The following XKR9 variants were observed in gnomAD, a reference collection of about 807,000 sequenced individuals.
XKR9 encodes the protein XK related 9.
Under a neutral mutation model 32.0 loss-of-function variants are expected in XKR9, and 32 were observed. The observed-to-expected ratio is 1.00, with a 90% CI of 0.76 to 1.34. XKR9 has a LOEUF of 1.34. Ranked by LOEUF, XKR9 falls within the 40% of genes most tolerant of loss-of-function variation. XKR9 has a pLI of 0.00. For missense variants in XKR9, 546 were observed against 429.7 expected (o/e 1.27, Z -2.39); for synonymous variants, 168 against 143.4 (o/e 1.17, Z -1.22).
At position 70,757,693 on chromosome 8, in the gene XKR9, C is replaced by A. The variant is rs142495902; in HGVS notation, n.353-31646C>A. On this transcript the variant is annotated intron_variant and non_coding_transcript_variant, in intron 2 of 3. Coordinates refer to the XKR9 transcript ENST00000520273. ...CCTCTGCCTCTGGGTTCAAGTGATT[C>A]TCCTGCCTTAGCCTCCCCAAGTAGC... Among the ~76,000 whole-genome samples, 1,338 of 152,236 alleles carry A rather than the reference C, an allele frequency of 8.8e-3. 6 individuals carry two copies. The highest frequency in any genetic ancestry group is 0.015 in the Non-Finnish European group (1,038 of 68,010).
intron 3 of XKR9, 66 bp from the exon 4 acceptor site, chr8:70,706,867 T>C (rs1805733491): frequency 2.6e-6 from 3 of 1,146,776 alleles, no homozygotes; most frequent in South Asian, 3.1e-5. Flanking sequence ...CAAATTATTA[T>C]GTGTATTAAC....
At chr8:70,910,049 G>T in the XKR9 span, among the ~76,000 whole-genome samples, 2 of 151,562 alleles carry the variant, frequency 1.3e-5, no homozygotes, top group East Asian at 3.9e-4. Context: ...AATATTTGAT[G>T]TATAGTAGGT....
chr8:70,694,934 A>G (rs990077133), intron 3 of XKR9, among the ~76,000 whole-genome samples: 2 of 152,136 alleles, frequency 1.3e-5, no homozygotes, highest in African/African-American at 4.8e-5. Flanking sequence ...GAGACTCTAC[A>G]TAGCTCTGTC....
chr8:70,789,864 G>A (rs1338446475), intron 3 of XKR9, among the ~76,000 whole-genome samples: 2 of 151,862 alleles, frequency 1.3e-5, no homozygotes, highest in African/African-American at 4.8e-5. Context: ...TCTCTTGTTT[G>A]GCAGGCAATG....
At chr8:71,013,877 A>G in the XKR9 span, among the ~76,000 whole-genome samples, 2 of 152,112 alleles carry the variant, frequency 1.3e-5, no homozygotes, top group Admixed American at 6.5e-5. Context: ...TAGTGTTTAT[A>G]CTTTCTAGGA....
chr8:70,781,204 G>T (rs1344311117), intron 2 of XKR9, among the ~76,000 whole-genome samples: 2 of 151,874 alleles, frequency 1.3e-5, no homozygotes, highest in Non-Finnish European at 2.9e-5. Flanking sequence ...GTGCTTATTT[G>T]CCACTTGTGT....
Position 70,707,092 on chromosome 8 carries a change from C to T in XKR9, c.432C>T (p.Cys144=), listed in dbSNP as rs904288065. 6.2e-6 allele frequency: 10 copies of T among 1,613,196 alleles called. No homozygotes were observed. In the African/African-American group the frequency reaches 1.2e-4, roughly 19 times the overall value. ...TATTTGAGACCTACCTGGAAGGCTGCCCACAACTTATTCTTCAACTCTACA... is the reference window on the plus strand; with the variant it reads ...TATTTGAGACCTACCTGGAAGGCTGTCCACAACTTATTCTTCAACTCTACA... ...LRLFETYLEG[C]PQLILQLYIL... Residue 144 remains cysteine, a synonymous_variant, in exon 4 of 5, where the codon TGC becomes TGT. Coordinates refer to ENST00000408926, the MANE Select transcript of XKR9 (RefSeq NM_001011720.2).
the XKR9 span, among the ~76,000 whole-genome samples, chr8:70,928,386 G>T: frequency 6.6e-6 from 1 of 152,056 alleles, no homozygotes; most frequent in African/African-American, 2.4e-5. Context: ...TGACCCTGTG[G>T]TCTTGCCATA....
At chr8:70,975,751 T>G in the XKR9 span, among the ~76,000 whole-genome samples, 21 of 152,180 alleles carry the variant, frequency 1.4e-4, no homozygotes, top group Non-Finnish European at 1.3e-4. Context: ...ATATGAACTT[T>G]AAAGTAGTTT....
At chr8:70,905,931 CTGCAGAACAGCAAATAT>C in the XKR9 span, among the ~76,000 whole-genome samples, 2 of 152,238 alleles carry the variant, frequency 1.3e-5, no homozygotes, top group African/African-American at 2.4e-5. Context: ...CCAGCGGAGG[CTGCAGAACAGCAAATAT>C]TGCAGAACAG....
rs768914286 is a variant in XKR9, at chr8:70,681,198, T to A, written c.140T>A (p.Phe47Tyr). ...QYVFSALALS[F>Y]MLFGTLVAQC... is the part of the protein sequence containing the mutation. ...GTTTTTAGTGCTTTAGCGTTAAGCT[T>A]TATGCTTTTTGGAACACTTGTGGCT... The change falls in exon 3 of 5, where the codon TTT (phenylalanine) becomes TAT (tyrosine). Residue 47 changes from phenylalanine (F) to tyrosine (Y), a missense_variant. Transcript: ENST00000408926. The A allele has an allele frequency of 4.3e-6, 7 of 1,613,624 alleles. No individual in the cohort carries two copies. Among genetic ancestry groups the A allele is most frequent in the Non-Finnish European group, 5.9e-6 (7 of 1,179,638 alleles).
the XKR9 span, among the ~76,000 whole-genome samples, chr8:70,918,742 C>T: frequency 6.9e-6 from 1 of 144,614 alleles, no homozygotes; most frequent in African/African-American, 2.6e-5. Context: ...TTTTGAAGAG[C>T]TGGCATCCAA....
chr8:71,032,281 CAAA>C, the XKR9 span, among the ~76,000 whole-genome samples: 2,646 of 73,196 alleles, frequency 0.036, 131 homozygotes, highest in African/African-American at 0.12. Flanking sequence ...GAGACTCTGT[CAAA>C]AAAAAAAAAA....
chr8:70,831,328 T>C, the XKR9 span, among the ~76,000 whole-genome samples: 43 of 151,452 alleles, frequency 2.8e-4, no homozygotes, highest in Non-Finnish European at 5.0e-4. Context: ...CTTCTTTGAG[T>C]TTTAAAATTT....
chr8:70,942,533 G>C, the XKR9 span, among the ~76,000 whole-genome samples: 1 of 152,110 alleles, frequency 6.6e-6, no homozygotes, highest in Non-Finnish European at 1.5e-5. Flanking sequence ...ATAGATTGTT[G>C]CAGTCACAGC....
chr8:70,762,026 C>A (rs879538037), intron 2 of XKR9, among the ~76,000 whole-genome samples: 10 of 152,020 alleles, frequency 6.6e-5, no homozygotes, highest in Non-Finnish European at 1.5e-4. Flanking sequence ...GGTCTTATTT[C>A]TTGGTTCTCT....
the XKR9 span, among the ~76,000 whole-genome samples, chr8:71,035,958 C>T: frequency 6.6e-6 from 1 of 152,144 alleles, no homozygotes; most frequent in African/African-American, 2.4e-5. Context: ...AACAAACAGG[C>T]CTTACTAAGC....
chr8:70,869,930 A>T, the XKR9 span, among the ~76,000 whole-genome samples: 1 of 152,164 alleles, frequency 6.6e-6, no homozygotes, highest in East Asian at 1.9e-4. Flanking sequence ...ACATAACTTC[A>T]CTGAGCCCAA....
chr8:70,724,663 G>T (rs1339825850), intron 4 of XKR9, among the ~76,000 whole-genome samples: 4 of 152,106 alleles, frequency 2.6e-5, no homozygotes, highest in Non-Finnish European at 5.9e-5. Context: ...CATGGGTGAG[G>T]TGACAACCCA....
Sources: allele counts gnomAD v4.1 joint callset (sites outside exome capture counted in the v4.1 genomes callset), GRCh38; gene constraint gnomAD v4.1.1; transcripts MANE v1.5; gene names NCBI Gene and HGNC (gene_info 2026-07-23, HGNC 2026-07-21).